PPP3CA: variants seen among roughly 807,000 people sequenced by gnomAD.
PPP3CA encodes CAM-PRP catalytic subunit.
In PPP3CA, 14 loss-of-function variants were observed where a neutral mutation model predicts 66.5. The ratio of observed to expected loss-of-function variants is 0.21; its 90% CI spans 0.14 to 0.33. PPP3CA has a LOEUF of 0.33. Among genes scored for constraint, PPP3CA ranks in the 10% least tolerant of loss-of-function variants. The probability of loss-of-function intolerance (pLI) is 1.00; values close to 1 mark genes in which losing one functional copy is unlikely to be tolerated. For missense variants in PPP3CA, 317 were observed against 639.5 expected (o/e 0.50, Z 5.44); for synonymous variants, 232 against 226.2 (o/e 1.03, Z -0.23).
intron 10 of PPP3CA, among the ~76,000 whole-genome samples, chr4:101,042,268 C>T (rs1261493105): frequency 6.9e-6 from 1 of 145,618 alleles, no homozygotes; most frequent in African/African-American, 2.6e-5. Flanking sequence ...AGAGGTGATG[C>T]TAACACAAAC....
chr4:101,064,981 G>C (rs540712907), intron 8 of PPP3CA, among the ~76,000 whole-genome samples: 5 of 152,046 alleles, frequency 3.3e-5, no homozygotes, highest in African/African-American at 9.6e-5. Flanking sequence ...TGGTTCCAGG[G>C]AACATATAAT....
chr4:101,030,961 G>GT (rs971475102), intron 12 of PPP3CA, among the ~76,000 whole-genome samples: 2 of 13,692 alleles, frequency 1.5e-4, no homozygotes, highest in Admixed American at 3.3e-4. Context: ...TTTTGTGTGT[G>GT]TTTTTTTTTT....
At chr4:101,296,589 A>G (rs961065808) in intron 1 of PPP3CA, among the ~76,000 whole-genome samples, 1 of 152,146 alleles carries the variant, frequency 6.6e-6, no homozygotes, top group Admixed American at 6.5e-5. Context: ...TTCTCTTTTT[A>G]AAGGTGGAAT....
chr4:101,251,317 T>C (rs867425115), intron 1 of PPP3CA, among the ~76,000 whole-genome samples: 12 of 152,266 alleles, frequency 7.9e-5, no homozygotes, highest in Middle Eastern at 3.4e-3. Context: ...TCTTTCATTA[T>C]ATTGTACTTA....
chr4:101,330,553 C>T (rs938708014), intron 1 of PPP3CA: 5 of 436,282 alleles, frequency 1.1e-5, no homozygotes, highest in Non-Finnish European at 2.3e-5. Context: ...GCACACTTAA[C>T]AGACTACAGT....
intron 1 of PPP3CA, among the ~76,000 whole-genome samples, chr4:101,315,511 C>T (rs968719685): frequency 2.0e-5 from 3 of 152,166 alleles, no homozygotes; most frequent in Admixed American, 6.5e-5. Flanking sequence ...CTGACATTGA[C>T]ATGTGGGAAT....
At position 101,135,720 on chromosome 4, in the gene PPP3CA, A is replaced by C. The variant is rs140955795; in HGVS notation, c.260-26642T>G. On this transcript the variant is annotated intron_variant, in intron 2 of 13. Transcript: ENST00000394854. ...ACAAGAAAACCATTCAGAATGGAAT[A>C]GCTGGCACTGTGATGTAATGAGCTC... 2.7e-3 allele frequency among the ~76,000 whole-genome samples: 417 copies of C among 152,388 alleles called. 1 individual carries two copies. The highest frequency in any genetic ancestry group is 9.7e-3 in the African/African-American group (404 of 41,604).
At chr4:101,092,270 C>A (rs979277041) in intron 6 of PPP3CA, among the ~76,000 whole-genome samples, 45 of 152,164 alleles carry the variant, frequency 3.0e-4, no homozygotes, top group African/African-American at 9.6e-4. Flanking sequence ...TTTAATTTAT[C>A]CAGGAAGCCT....
At chr4:101,175,609 C>G (rs978184814) in intron 2 of PPP3CA, among the ~76,000 whole-genome samples, 1 of 152,148 alleles carries the variant, frequency 6.6e-6, no homozygotes. Flanking sequence ...TTAAAGCTAT[C>G]TACGATACAT....
intron 1 of PPP3CA, among the ~76,000 whole-genome samples, chr4:101,232,168 G>T (rs936224744): frequency 7.9e-5 from 12 of 151,696 alleles, no homozygotes; most frequent in African/African-American, 2.9e-4. Context: ...TAATCTTACT[G>T]CTCTGTGTTT....
intron 1 of PPP3CA, among the ~76,000 whole-genome samples, chr4:101,266,208 A>G (rs1227379967): frequency 2.0e-5 from 3 of 152,140 alleles, no homozygotes; most frequent in Non-Finnish European, 4.4e-5. Context: ...CAGTTCCCAT[A>G]TTCTTATTCT....
intron 8 of PPP3CA, among the ~76,000 whole-genome samples, chr4:101,078,622 A>G (rs1258315899): frequency 2.0e-5 from 3 of 152,162 alleles, no homozygotes; most frequent in Non-Finnish European, 4.4e-5. Context: ...ATCAAATCAT[A>G]CTGTAACTAT....
At chr4:101,111,692 T>G (rs1024932221) in intron 2 of PPP3CA, among the ~76,000 whole-genome samples, 1 of 152,132 alleles carries the variant, frequency 6.6e-6, no homozygotes, top group African/African-American at 2.4e-5. Flanking sequence ...ACTTGGACAA[T>G]TTACTCAACT....
intron 2 of PPP3CA, among the ~76,000 whole-genome samples, chr4:101,179,677 A>C (rs1724174534): frequency 6.6e-6 from 1 of 152,184 alleles, no homozygotes; most frequent in Non-Finnish European, 1.5e-5. Flanking sequence ...CTGAATGAAT[A>C]TGCTTCGTGC....
At chr4:101,123,131 G>C (rs1722081850) in intron 2 of PPP3CA, among the ~76,000 whole-genome samples, 1 of 152,178 alleles carries the variant, frequency 6.6e-6, no homozygotes, top group African/African-American at 2.4e-5. Flanking sequence ...AACATCTAAT[G>C]AGTGACACTG....
chr4:101,268,199 A>C (rs1206180792), intron 1 of PPP3CA, among the ~76,000 whole-genome samples: 1 of 152,146 alleles, frequency 6.6e-6, no homozygotes, highest in Admixed American at 6.6e-5. Flanking sequence ...TAACAATAAC[A>C]ATAATAAAAA....
chr4:101,154,350 G>T (rs1723239869), intron 2 of PPP3CA, among the ~76,000 whole-genome samples: 1 of 152,094 alleles, frequency 6.6e-6, no homozygotes, highest in Non-Finnish European at 1.5e-5. Flanking sequence ...ACAGAATTCT[G>T]ACTAGTAAAT....
intron 2 of PPP3CA, among the ~76,000 whole-genome samples, chr4:101,140,663 G>A (rs561351624): frequency 7.5e-4 from 114 of 152,144 alleles, no homozygotes; most frequent in Non-Finnish European, 1.4e-3. Context: ...AGTCATTTTT[G>A]GCAAAAGTCA....
chr4:101,137,016 C>T (rs1722645004), intron 2 of PPP3CA, among the ~76,000 whole-genome samples: 1 of 152,070 alleles, frequency 6.6e-6, no homozygotes, highest in Admixed American at 6.5e-5. Flanking sequence ...GACCAACAGC[C>T]ACTTGAGAAC....
Sources: gnomAD v4.1 joint callset for allele counts (sites outside exome capture counted in the v4.1 genomes callset) on GRCh38, gnomAD v4.1.1 for gene constraint, MANE v1.5 for transcripts, NCBI Gene and HGNC (gene_info 2026-07-23, HGNC 2026-07-21) for gene names.